The following DCDC1 variants were observed in gnomAD, a reference collection of about 807,000 sequenced individuals.
DCDC1 encodes the protein doublecortin domain containing 1, also known as doublecortin domain-containing protein 1.
Under a neutral mutation model 178.3 loss-of-function variants are expected in DCDC1, and 200 were observed. That is an observed-to-expected ratio of 1.12 (90% confidence interval 1.00 to 1.26). The LOEUF is 1.26. Among genes scored for constraint, DCDC1 ranks in the 50% most tolerant of loss-of-function variants. The pLI is 0.00. For missense variants in DCDC1, 1,983 were observed against 1,749.2 expected (o/e 1.13, Z -2.38); for synonymous variants, 690 against 604.8 (o/e 1.14, Z -2.07).
At chr11:30,870,189 C>G (rs1395486895) in intron 38 of DCDC1, among the ~76,000 whole-genome samples, 1 of 152,188 alleles carries the variant, frequency 6.6e-6, no homozygotes, top group Admixed American at 6.5e-5. Flanking sequence ...GAGGCAGAGT[C>G]CTGTTGACCC....
chr11:31,273,027 C>T (rs1198194487), intron 7 of DCDC1, among the ~76,000 whole-genome samples: 1 of 152,162 alleles, frequency 6.6e-6, no homozygotes, highest in Non-Finnish European at 1.5e-5. Context: ...TGCAGGGCAC[C>T]AAGTCCCTAG....
At chr11:31,058,776 G>C (rs992163862) in intron 20 of DCDC1, among the ~76,000 whole-genome samples, 1 of 152,098 alleles carries the variant, frequency 6.6e-6, no homozygotes, top group African/African-American at 2.4e-5. Context: ...GGTTGAAAGA[G>C]ATAGACAAGG....
chr11:31,283,384 G>GT (rs1330583858), intron 7 of DCDC1, among the ~76,000 whole-genome samples: 129 of 147,262 alleles, frequency 8.8e-4, no homozygotes, highest in African/African-American at 1.6e-3. Context: ...TTTGTTTTTT[G>GT]TTTTTTTTGC....
chr11:31,240,908 G>C (rs1316810033), intron 9 of DCDC1, among the ~76,000 whole-genome samples: 3 of 151,828 alleles, frequency 2.0e-5, no homozygotes, highest in Non-Finnish European at 4.4e-5. Flanking sequence ...GGAATTAAAG[G>C]ACAAAATCCG....
chr11:31,305,763 G>A lies in DCDC1; in HGVS notation c.606C>T (p.Cys202=), dbSNP rs149923446. ...VPTITLLLEE[C]TEKLNLNMAA... ...CCATGTTCAGATTCAGCTTTTCTGT[G>A]CACTCCTCCAGCAGCTAGAAGAAAG... The change falls in exon 6 of 39, where the codon TGC becomes TGT. Residue 202 remains cysteine (C), a synonymous_variant. Coordinates refer to ENST00000684477, the MANE Select transcript of DCDC1 (RefSeq NM_001387274.1). 2.7e-4 allele frequency: 438 copies of A among 1,613,270 alleles called. No homozygotes were observed. Among genetic ancestry groups the A allele is most frequent in the Non-Finnish European group, 3.4e-4 (396 of 1,179,686 alleles).
At chr11:31,316,429 G>GT (rs1338083924) in intron 3 of DCDC1, among the ~76,000 whole-genome samples, 3 of 28,502 alleles carry the variant, frequency 1.1e-4, no homozygotes, top group African/African-American at 3.5e-4. Context: ...TTCTTCATGT[G>GT]TTTTTTGGCT....
intron 7 of DCDC1, among the ~76,000 whole-genome samples, chr11:31,284,501 G>C (rs1946676565): frequency 1.3e-5 from 2 of 151,866 alleles, no homozygotes; most frequent in African/African-American, 2.4e-5. Context: ...TCTAATAAAT[G>C]CTTCAAGGTA....
intron 20 of DCDC1, among the ~76,000 whole-genome samples, chr11:31,005,766 C>T (rs1369024496): frequency 6.6e-6 from 1 of 151,902 alleles, no homozygotes; most frequent in African/African-American, 2.4e-5. Context: ...GAAATCATGG[C>T]TCCTTGATAT....
intron 34 of DCDC1, among the ~76,000 whole-genome samples, chr11:30,894,726 C>T (rs1209585594): frequency 1.3e-5 from 2 of 152,142 alleles, no homozygotes; most frequent in Non-Finnish European, 2.9e-5. Context: ...CTCCTATCAT[C>T]CTTCTAGTCT....
At chr11:30,946,425 C>T (rs1948060609) in intron 21 of DCDC1, among the ~76,000 whole-genome samples, 1 of 152,180 alleles carries the variant, frequency 6.6e-6, no homozygotes, top group African/African-American at 2.4e-5. Flanking sequence ...TTCATCCAGC[C>T]ACTGGCTTAG....
intron 37 of DCDC1, among the ~76,000 whole-genome samples, chr11:30,880,912 T>C (rs1440233273): frequency 2.0e-5 from 3 of 152,176 alleles, no homozygotes; most frequent in African/African-American, 7.2e-5. Context: ...TCAGTATTTC[T>C]GCAAATAAGC....
At chr11:31,225,832 CT>C (rs1373690527) in intron 9 of DCDC1, among the ~76,000 whole-genome samples, 1 of 151,408 alleles carries the variant, frequency 6.6e-6, no homozygotes, top group Non-Finnish European at 1.5e-5. Context: ...TTTACCCAAT[CT>C]TTCGTGTCTG....
chr11:31,032,789 A>G (rs1953744468), intron 20 of DCDC1, among the ~76,000 whole-genome samples: 1 of 152,212 alleles, frequency 6.6e-6, no homozygotes, highest in Non-Finnish European at 1.5e-5. Flanking sequence ...TATTTTAATT[A>G]GTTCAGCAAA....
At chr11:31,353,006 A>G (rs1011063725) in intron 1 of DCDC1, among the ~76,000 whole-genome samples, 5 of 152,226 alleles carry the variant, frequency 3.3e-5, no homozygotes, top group Admixed American at 6.5e-5. Context: ...TCTATACACT[A>G]TAACACATAT....
At chr11:31,056,835 T>C (rs1463711097) in intron 20 of DCDC1, among the ~76,000 whole-genome samples, 6 of 152,102 alleles carry the variant, frequency 3.9e-5, no homozygotes, top group Non-Finnish European at 7.4e-5. Flanking sequence ...AATTGAAATA[T>C]ACAGAACACT....
At chr11:30,989,730 A>T (rs1476829033) in intron 20 of DCDC1, among the ~76,000 whole-genome samples, 2 of 152,186 alleles carry the variant, frequency 1.3e-5, no homozygotes, top group Non-Finnish European at 2.9e-5. Context: ...TAAATAATAT[A>T]TAATATTGTG....
At chr11:31,225,292 A>G (rs1386594290) in intron 9 of DCDC1, among the ~76,000 whole-genome samples, 1 of 151,474 alleles carries the variant, frequency 6.6e-6, no homozygotes, top group Admixed American at 6.6e-5. Context: ...AATATTTTAC[A>G]TTCCCACTTA....
rs1468799055 is a variant in DCDC1, at chr11:31,307,364, A to G, written c.434+275T>C. On this transcript the variant is annotated intron_variant, in intron 4 of 38. Coordinates refer to ENST00000684477, the MANE Select transcript of DCDC1 (RefSeq NM_001387274.1). ...TTTTATTTTTAAATAAGTTCGTGTGAGCAAAGATATTTCATGATCCTAGCC... is the reference window on the plus strand; with the variant it reads ...TTTTATTTTTAAATAAGTTCGTGTGGGCAAAGATATTTCATGATCCTAGCC... The G allele has an allele frequency of 2.2e-5, 8 of 356,126 alleles. No homozygotes were observed. The East Asian group carries it at 3.5e-4, about 16-fold the overall frequency. 22.1% of individuals were successfully genotyped at this position (356,126 alleles called of 1,614,324 possible).
At chr11:31,188,888 C>T (rs550488342) in intron 9 of DCDC1, among the ~76,000 whole-genome samples, 2 of 152,188 alleles carry the variant, frequency 1.3e-5, no homozygotes, top group African/African-American at 4.8e-5. Context: ...GAAGTGAGGC[C>T]TTTGGAAGGT....
Sources: gnomAD v4.1 joint callset for allele counts (sites outside exome capture counted in the v4.1 genomes callset) on GRCh38, gnomAD v4.1.1 for gene constraint, MANE v1.5 for transcripts, NCBI Gene and HGNC (gene_info 2026-07-23, HGNC 2026-07-21) for gene names.